The following FHIT variants were observed in gnomAD, a reference collection of about 807,000 sequenced individuals.
FHIT encodes the protein bis(5'-adenosyl)-triphosphatase.
In FHIT, 19 loss-of-function variants were observed where a neutral mutation model predicts 17.9. The observed-to-expected ratio is 1.06, with a 90% CI of 0.74 to 1.56. FHIT has a LOEUF of 1.56. FHIT is among the 40% of genes most tolerant of loss of function. The probability of loss-of-function intolerance (pLI) is 0.00; values close to 1 mark genes in which losing one functional copy is unlikely to be tolerated. For synonymous variants in FHIT, 81 were observed against 69.7 expected (o/e 1.16, Z -0.81); for missense variants, 248 against 189.2 (o/e 1.31, Z -1.82).
intron 4 of FHIT, among the ~76,000 whole-genome samples, chr3:60,780,853 C>T (rs1472369471): frequency 2.0e-5 from 3 of 152,148 alleles, no homozygotes; most frequent in African/African-American, 7.2e-5. Flanking sequence ...GGGGAGGAGC[C>T]TGGTCCCTCC....
chr3:61,199,221 C>T (rs1464791240), intron 2 of FHIT, among the ~76,000 whole-genome samples: 1 of 152,100 alleles, frequency 6.6e-6, no homozygotes, highest in Non-Finnish European at 1.5e-5. Context: ...ATGGACTGTG[C>T]CTGTGTGGAA....
chr3:61,122,497 T>C (rs1249553553), intron 2 of FHIT, among the ~76,000 whole-genome samples: 1 of 152,110 alleles, frequency 6.6e-6, no homozygotes, highest in African/African-American at 2.4e-5. Flanking sequence ...AAGCCAAAAT[T>C]GACAATTGGG....
chr3:60,686,289 C>G (rs1439634738), intron 4 of FHIT, among the ~76,000 whole-genome samples: 2 of 152,140 alleles, frequency 1.3e-5, no homozygotes, highest in Non-Finnish European at 2.9e-5. Context: ...TGTGCCTCAG[C>G]ATCTTGAACG....
At chr3:60,416,999 G>A (rs571193451) in intron 5 of FHIT, among the ~76,000 whole-genome samples, 6 of 151,786 alleles carry the variant, frequency 4.0e-5, no homozygotes, top group African/African-American at 1.2e-4. Flanking sequence ...TGAGGCAGGA[G>A]AATGGCATGA....
intron 5 of FHIT, among the ~76,000 whole-genome samples, chr3:60,244,344 A>G (rs950491084): frequency 1.3e-5 from 2 of 152,072 alleles, no homozygotes; most frequent in Non-Finnish European, 2.9e-5. Context: ...GAAGGATAAA[A>G]GGTCACACAA....
chr3:60,464,253 AG>A (rs1475438831), intron 5 of FHIT, among the ~76,000 whole-genome samples: 1 of 152,140 alleles, frequency 6.6e-6, no homozygotes, highest in Non-Finnish European at 1.5e-5. Context: ...GATATGTTGT[AG>A]GTACATTTAT....
At chr3:59,776,298 G>A (rs1383692092) in intron 8 of FHIT, among the ~76,000 whole-genome samples, 1 of 152,218 alleles carries the variant, frequency 6.6e-6, no homozygotes, top group Non-Finnish European at 1.5e-5. Context: ...CCAGGGTACT[G>A]AGACAGACCG....
intron 4 of FHIT, among the ~76,000 whole-genome samples, chr3:60,613,763 T>G (rs1576972526): frequency 6.6e-6 from 1 of 152,046 alleles, no homozygotes; most frequent in African/African-American, 2.4e-5. Flanking sequence ...CTTTAAGAGC[T>G]TATAAGGGCT....
chr3:60,386,168 T>G (rs1388991161), intron 5 of FHIT, among the ~76,000 whole-genome samples: 1 of 152,102 alleles, frequency 6.6e-6, no homozygotes, highest in East Asian at 1.9e-4. Context: ...CCATAGACGC[T>G]ACTCACTGGT....
chr3:61,056,956 A>G (rs2034245948), intron 2 of FHIT, among the ~76,000 whole-genome samples: 1 of 152,216 alleles, frequency 6.6e-6, no homozygotes, highest in South Asian at 2.1e-4. Flanking sequence ...TACTACTTAA[A>G]TAATGTGTTT....
chr3:59,846,674 A>C (rs947134253), intron 8 of FHIT, among the ~76,000 whole-genome samples: 3 of 152,142 alleles, frequency 2.0e-5, no homozygotes, highest in African/African-American at 4.8e-5. Context: ...AAAGACCTTT[A>C]TTTCTTTATA....
intron 5 of FHIT, among the ~76,000 whole-genome samples, chr3:60,288,042 A>G (rs1025413758): frequency 6.6e-6 from 1 of 152,192 alleles, no homozygotes; most frequent in Admixed American, 6.5e-5. Flanking sequence ...GGGAAACTGG[A>G]GTCACAACAC....
intron 2 of FHIT, among the ~76,000 whole-genome samples, chr3:61,074,017 G>C (rs922141380): frequency 6.6e-6 from 1 of 152,174 alleles, no homozygotes; most frequent in Non-Finnish European, 1.5e-5. Context: ...CCAGGCATGG[G>C]TTATTAGACA....
chr3:60,696,413 C>T (rs2041115474), intron 4 of FHIT, among the ~76,000 whole-genome samples: 1 of 152,182 alleles, frequency 6.6e-6, no homozygotes. Flanking sequence ...ATATTCACTA[C>T]AGTCAAATGA....
rs1703369416 is a variant in FHIT at position 60,856,076 on chromosome 3, C to A, written c.-110-34065G>T. ...TATTTGATGTGGAAGACAAGGAGACCATTCCCAACATGTTATTTAGCAAAG... is the reference window on the plus strand; with the variant it reads ...TATTTGATGTGGAAGACAAGGAGACAATTCCCAACATGTTATTTAGCAAAG... On this transcript the variant is annotated intron_variant, in intron 3 of 9. Transcript: ENST00000492590. 1.3e-5 allele frequency among the ~76,000 whole-genome samples: 2 copies of A among 152,066 alleles called. 1 individual carries two copies. Among genetic ancestry groups the A allele is most frequent in the South Asian group, 4.1e-4 (2 of 4,828 alleles).
chr3:60,973,069 T>C (rs1436551463), intron 3 of FHIT, among the ~76,000 whole-genome samples: 2 of 152,202 alleles, frequency 1.3e-5, no homozygotes, highest in African/African-American at 4.8e-5. Flanking sequence ...GTCTTGATTA[T>C]TGGCCATTTG....
At chr3:60,102,231 C>T (rs908311738) in intron 5 of FHIT, among the ~76,000 whole-genome samples, 2 of 152,170 alleles carry the variant, frequency 1.3e-5, no homozygotes, top group African/African-American at 4.8e-5. Flanking sequence ...TCACTACGCT[C>T]AGTATAGATT....
intron 8 of FHIT, among the ~76,000 whole-genome samples, chr3:59,758,397 C>A (rs1022802444): frequency 1.3e-4 from 20 of 152,102 alleles, no homozygotes; most frequent in African/African-American, 3.9e-4. Flanking sequence ...CTTTGAGAAG[C>A]CTTAACATTC....
At chr3:60,735,228 A>C (rs1053947336) in intron 4 of FHIT, among the ~76,000 whole-genome samples, 1 of 152,200 alleles carries the variant, frequency 6.6e-6, no homozygotes, top group Non-Finnish European at 1.5e-5. Context: ...AGGCCCAAGG[A>C]AAAAACTGCA....
Sources: gnomAD v4.1 joint callset for allele counts (sites outside exome capture counted in the v4.1 genomes callset) on GRCh38, gnomAD v4.1.1 for gene constraint, MANE v1.5 for transcripts, NCBI Gene and HGNC (gene_info 2026-07-23, HGNC 2026-07-21) for gene names.